ARFGEF3: variants seen among roughly 807,000 people sequenced by gnomAD.
ARFGEF3 encodes brefeldin A-inhibited guanine nucleotide-exchange protein 3.
In ARFGEF3, 96 loss-of-function variants were observed where a neutral mutation model predicts 221.7. The ratio of observed to expected loss-of-function variants is 0.43; its 90% CI spans 0.37 to 0.51. The LOEUF (loss-of-function observed/expected upper bound fraction) is 0.51, where lower values mean the gene tolerates loss of function less well. Among genes scored for constraint, ARFGEF3 ranks in the 20% least tolerant of loss-of-function variants. The pLI, the probability that ARFGEF3 is intolerant of heterozygous loss-of-function variation, is 0.00. For synonymous variants in ARFGEF3, 1,145 were observed against 1,126.8 expected (o/e 1.02, Z -0.32); for missense variants, 2,410 against 2,789.9 (o/e 0.86, Z 3.07).
At chr6:138,213,847 A>G (rs761490134) in intron 4 of ARFGEF3, among the ~76,000 whole-genome samples, 3 of 152,228 alleles carry the variant, frequency 2.0e-5, no homozygotes, top group Non-Finnish European at 4.4e-5. Context: ...GCTGCTAGAA[A>G]ATTAATGACA....
intron 10 of ARFGEF3, 64 bp downstream of exon 10, chr6:138,255,833 A>G (rs1401566299): frequency 3.5e-5 from 46 of 1,319,544 alleles, no homozygotes; most frequent in Non-Finnish European, 4.3e-5. Flanking sequence ...TTCGCATACA[A>G]GAAGCGCTCA....
In ARFGEF3 at chr6:138,335,050, G is replaced by A. The variant is rs1562220727; in HGVS notation, c.6204G>A (p.Gln2068=). The A allele has an allele frequency of 6.3e-7, 1 of 1,597,638 alleles. No individual in the cohort carries two copies. The highest frequency in any genetic ancestry group is 1.3e-5 in the African/African-American group (1 of 74,656). The stretch of plus-strand genomic sequence containing the variant: ...ACTCCCCGCTGCTTCAGCGTCCCCA[G>A]CACTTGATGGACCAAGGGCAAATGC... ...GQDSPLLQRP[Q]HLMDQGQMRH... is the part of the protein sequence containing the mutation. Residue 2068 remains glutamine, a synonymous_variant, in exon 33 of 34, where the codon CAG becomes CAA. Transcript: ENST00000251691.
chr6:138,278,217 C>G (rs1779132802), intron 12 of ARFGEF3, among the ~76,000 whole-genome samples: 1 of 152,194 alleles, frequency 6.6e-6, no homozygotes, highest in African/African-American at 2.4e-5. Flanking sequence ...GTTCTAGCTG[C>G]TAAGTAAGAG....
At chr6:138,212,990 C>A (rs182013653) in intron 4 of ARFGEF3, among the ~76,000 whole-genome samples, 38 of 151,896 alleles carry the variant, frequency 2.5e-4, no homozygotes, top group African/African-American at 9.2e-4. Context: ...TGTACGTGTA[C>A]CCTAGAACTT....
chr6:138,255,552 C>CGG lies in ARFGEF3; in HGVS notation c.889_890dup (p.Val298GlufsTer18). On this transcript the variant is annotated frameshift_variant, in exon 10 of 34. Transcript: ENST00000251691. LOFTEE classifies it high-confidence loss of function. ...AGCCTGGAGTCGGACTCTGCGTCTC[C>CGG]GGGAGTGTCTGACCACGGCCGAGGA... 6.2e-7 allele frequency: 1 copy of CGG among 1,614,036 alleles called. No homozygotes were observed. The highest frequency in any genetic ancestry group is 8.5e-7 in the Non-Finnish European group (1 of 1,179,906).
At chr6:138,297,516 A>G (rs1779543960) in intron 21 of ARFGEF3, among the ~76,000 whole-genome samples, 1 of 152,250 alleles carries the variant, frequency 6.6e-6, no homozygotes, top group Non-Finnish European at 1.5e-5. Flanking sequence ...CCAAGTTGAC[A>G]GGGAAAACTG....
At chr6:138,205,708 T>C (rs1395368506) in intron 2 of ARFGEF3, among the ~76,000 whole-genome samples, 1 of 152,218 alleles carries the variant, frequency 6.6e-6, no homozygotes, top group Non-Finnish European at 1.5e-5. Context: ...AAAGGATGAA[T>C]CTAATGAAAA....
intron 2 of ARFGEF3, among the ~76,000 whole-genome samples, chr6:138,197,144 T>TG (rs1394654693): frequency 6.6e-6 from 1 of 152,224 alleles, no homozygotes; most frequent in Non-Finnish European, 1.5e-5. Context: ...TTAAGCTTTA[T>TG]TTTTTAATTT....
chr6:138,300,742 A>G (rs1285168137), intron 22 of ARFGEF3, among the ~76,000 whole-genome samples: 1 of 152,198 alleles, frequency 6.6e-6, no homozygotes, highest in Non-Finnish European at 1.5e-5. Flanking sequence ...AAGTCTGGTA[A>G]CTTCCTCGCA....
At chr6:138,276,157 G>A (rs984857145) in intron 12 of ARFGEF3, among the ~76,000 whole-genome samples, 6 of 152,214 alleles carry the variant, frequency 3.9e-5, no homozygotes, top group African/African-American at 1.4e-4. Flanking sequence ...GGCTTTGGAG[G>A]GTAAGAGGAG....
At chr6:138,333,882 G>C (rs113870238) in intron 32 of ARFGEF3, 88 bp from the exon 33 acceptor site, 1 of 1,421,104 alleles carries the variant, frequency 7.0e-7, no homozygotes. Flanking sequence ...TGCATAGATC[G>C]TTCTGAAACG....
chr6:138,228,672 C>A (rs4896337), intron 4 of ARFGEF3, among the ~76,000 whole-genome samples: 1 of 152,066 alleles, frequency 6.6e-6, no homozygotes, highest in South Asian at 2.1e-4. Context: ...TTCCTAGGGC[C>A]GGCCTAGCTG....
chr6:138,324,167 G>A lies in ARFGEF3; in HGVS notation c.5001+13G>A. The A allele has an allele frequency of 1.2e-6, 2 of 1,607,872 alleles. No homozygotes were observed. Among genetic ancestry groups the A allele is most frequent in the South Asian group, 1.1e-5 (1 of 90,744 alleles). ...CATGGCCCAGCAGGTAAGGGCAGGGGCTTTTGATCTCAGGAGCTCTAGAAA... is the reference window on the plus strand; with the variant it reads ...CATGGCCCAGCAGGTAAGGGCAGGGACTTTTGATCTCAGGAGCTCTAGAAA... On this transcript the variant is annotated intron_variant, in intron 31 of 33. Transcript: ENST00000251691.
At chr6:138,170,033 A>G (rs1776796558) in intron 1 of ARFGEF3, among the ~76,000 whole-genome samples, 1 of 152,176 alleles carries the variant, frequency 6.6e-6, no homozygotes, top group African/African-American at 2.4e-5. Context: ...TTTTTTGGGG[A>G]AGAGACTGGT....
intron 2 of ARFGEF3, among the ~76,000 whole-genome samples, chr6:138,181,384 G>GA (rs898567570): frequency 3.3e-5 from 5 of 152,062 alleles, no homozygotes; most frequent in Admixed American, 3.3e-4. Flanking sequence ...TAAATCCACT[G>GA]AAAAAAATAA....
rs1445321291 is a variant in ARFGEF3 at position 138,222,774 on chromosome 6, A to G, written c.352-7010A>G. 3.9e-5 allele frequency among the ~76,000 whole-genome samples: 6 copies of G among 152,264 alleles called. No homozygotes were observed. The East Asian group carries it at 9.6e-4, about 24-fold the overall frequency. On this transcript the variant is annotated intron_variant, in intron 4 of 33. Coordinates refer to ENST00000251691, the MANE Select transcript of ARFGEF3 (RefSeq NM_020340.5). Reference sequence around the variant, plus strand: ...GTACAAGTGGCTTTTGGTTGCATGGACAAATTGTGTAGTGGTAAAGTATGA... The same window carrying G: ...GTACAAGTGGCTTTTGGTTGCATGGGCAAATTGTGTAGTGGTAAAGTATGA...
chr6:138,265,152 C>G (rs1052713443), intron 12 of ARFGEF3, among the ~76,000 whole-genome samples: 6 of 152,174 alleles, frequency 3.9e-5, no homozygotes, highest in African/African-American at 1.4e-4. Flanking sequence ...ATCCGCCCGC[C>G]TTGGCCTCCC....
chr6:138,287,206 C>T (rs373847511), intron 17 of ARFGEF3, 22 bp downstream of exon 17: 36 of 1,536,626 alleles, frequency 2.3e-5, no homozygotes, highest in Non-Finnish European at 2.9e-5. Flanking sequence ...AGGGCCAGAA[C>T]CCACCTGGTG....
chr6:138,281,937 T>G (rs1779202889), intron 14 of ARFGEF3, among the ~76,000 whole-genome samples: 1 of 152,050 alleles, frequency 6.6e-6, no homozygotes, highest in Non-Finnish European at 1.5e-5. Context: ...GGGTTTTTTG[T>G]TTGGTTGGTT....
Sources: allele counts gnomAD v4.1 joint callset (sites outside exome capture counted in the v4.1 genomes callset), GRCh38; gene constraint gnomAD v4.1.1; transcripts MANE v1.5; gene names NCBI Gene and HGNC (gene_info 2026-07-23, HGNC 2026-07-21).